Variants in RAD23B observed in about 807,000 individuals in gnomAD.
RAD23B encodes lysine-specific demethylase RAD23B.
Under a neutral mutation model 49.1 loss-of-function variants are expected in RAD23B, and 5 were observed. The ratio of observed to expected loss-of-function variants is 0.10; its 90% CI spans 0.05 to 0.21. RAD23B has a LOEUF of 0.21. Among genes scored for constraint, RAD23B ranks in the 10% least tolerant of loss-of-function variants. The pLI is 1.00. For synonymous variants in RAD23B, 184 were observed against 165.4 expected, an observed-to-expected ratio of 1.11 and a Z score of -0.86; for missense variants, 356 against 486.7, an observed-to-expected ratio of 0.73 and a Z score of 2.53.
At chr9:107,284,737 T>C in intron 1 of RAD23B, 2 of 1,123,014 alleles carry the variant, frequency 1.8e-6, no homozygotes, top group Non-Finnish European at 2.2e-6. Flanking sequence ...CCAACTCTAT[T>C]TTTAAAAGTA....
Position 107,306,651 on chromosome 9 carries a change from G to A in RAD23B, c.497+4G>A. The A allele has an allele frequency of 6.2e-7, 1 of 1,609,518 alleles. No individual in the cohort carries two copies. ...CTAGCCCAACAGCAACTGACAGGTA[G>A]GAACTGGATTCTAGGACATTCTATC... On this transcript the variant is annotated splice_donor_region_variant and intron_variant, in intron 4 of 9. Coordinates refer to ENST00000358015, the MANE Select transcript of RAD23B (RefSeq NM_002874.5).
chr9:107,305,031 G>A (rs1027754613), intron 3 of RAD23B, among the ~76,000 whole-genome samples: 4 of 152,160 alleles, frequency 2.6e-5, no homozygotes, highest in Non-Finnish European at 5.9e-5. Context: ...GCTGATGCCT[G>A]TAATCCCATC....
At chr9:107,308,121 TAA>T (rs951655428) in intron 4 of RAD23B, among the ~76,000 whole-genome samples, 3 of 146,304 alleles carry the variant, frequency 2.1e-5, no homozygotes, top group Admixed American at 6.8e-5. Flanking sequence ...AGCTCCTTTT[TAA>T]AAAAAAAAAG....
intron 9 of RAD23B, among the ~76,000 whole-genome samples, chr9:107,329,269 A>G (rs947117015): frequency 1.3e-5 from 2 of 152,236 alleles, no homozygotes; most frequent in South Asian, 2.1e-4. Flanking sequence ...GAGTATTTGC[A>G]TAGTATCTAT....
rs184947210 is a variant in RAD23B, at chr9:107,287,748, C to T, written c.66+4053C>T. 2.8e-3 allele frequency among the ~76,000 whole-genome samples: 414 copies of T among 149,652 alleles called. 3 individuals carry two copies. Among genetic ancestry groups the T allele is most frequent in the Non-Finnish European group, 4.4e-3 (300 of 67,732 alleles). ...ACTTAGGAGGCTGAGGCAGGAGAGT[C>T]GCTTGAACCTGGGAGGAGGAGGTTG... On this transcript the variant is annotated intron_variant, in intron 1 of 9. Transcript: ENST00000358015.
intron 5 of RAD23B, among the ~76,000 whole-genome samples, chr9:107,314,673 T>A (rs1826956304): frequency 6.6e-6 from 1 of 152,204 alleles, no homozygotes; most frequent in African/African-American, 2.4e-5. Flanking sequence ...TTATTTCCCT[T>A]TGGGTATATA....
chr9:107,323,834 C>A, intron 7 of RAD23B, 56 bp from the exon 8 acceptor site: 2 of 1,465,134 alleles, frequency 1.4e-6, no homozygotes, highest in Non-Finnish European at 1.9e-6. Flanking sequence ...ATTATTTAAC[C>A]ACTGTTTGTG....
At chr9:107,319,649 A>G (rs545229879) in intron 6 of RAD23B, among the ~76,000 whole-genome samples, 4 of 152,136 alleles carry the variant, frequency 2.6e-5, no homozygotes, top group Non-Finnish European at 4.4e-5. Flanking sequence ...TCTGTTACCA[A>G]CGTAACATCA....
chr9:107,318,997 C>A lies in RAD23B; in HGVS notation c.681+118C>A. The A allele has an allele frequency of 2.3e-6, 2 of 882,616 alleles. No individual in the cohort carries two copies. Among genetic ancestry groups the A allele is most frequent in the Non-Finnish European group, 3.1e-6 (2 of 647,604 alleles). 54.7% of individuals were successfully genotyped at this position (882,616 alleles called of 1,614,324 possible). On this transcript the variant is annotated intron_variant, in intron 6 of 9. Transcript: ENST00000358015. The surrounding 1 kb of genome is among the most constrained non-coding windows in gnomAD (Gnocchi z 4.3). ...TATATGCTAGATGATATACATAATG[C>A]TTTTTTTTTTCTAGTATGTTTGTAT...
chr9:107,319,330 C>A (rs2133092563), intron 6 of RAD23B, among the ~76,000 whole-genome samples: 1 of 151,928 alleles, frequency 6.6e-6, no homozygotes, highest in African/African-American at 2.4e-5. Context: ...TGGGATTTCA[C>A]CATGTTAGCC....
At chr9:107,301,502 A>G (rs907271407) in intron 2 of RAD23B, among the ~76,000 whole-genome samples, 3 of 152,168 alleles carry the variant, frequency 2.0e-5, no homozygotes, top group African/African-American at 4.8e-5. Flanking sequence ...TATATACACT[A>G]TATAAGTTTG....
intron 1 of RAD23B, among the ~76,000 whole-genome samples, chr9:107,287,150 C>A (rs1160770373): frequency 6.6e-6 from 1 of 151,478 alleles, no homozygotes; most frequent in African/African-American, 2.4e-5. Flanking sequence ...AGTTTTTAAG[C>A]TCAGTTTTAT....
At position 107,318,877 on chromosome 9, in the gene RAD23B, A is replaced by G. The variant is rs576814919; in HGVS notation, c.679A>G (p.Met227Val). Residue 227 changes from methionine to valine, a missense_variant and splice_region_variant, in exon 6 of 10, where the codon ATG (methionine) becomes GTG (valine). Coordinates refer to ENST00000358015, the MANE Select transcript of RAD23B (RefSeq NM_002874.5). The surrounding 1 kb of genome is among the most constrained non-coding windows in gnomAD (Gnocchi z 4.3). ...TGACAGAGCAGTGGAGTATCTTTTA[A>G]TGGTGAGAAATATGTTTTACTTTAC... is the stretch of plus-strand genomic sequence containing the variant. ...NPDRAVEYLLMGIPGDRESQA... is the reference protein window; with the variant it reads ...NPDRAVEYLLVGIPGDRESQA... 4.4e-6 allele frequency: 7 copies of G among 1,608,540 alleles called. No individual in the cohort carries two copies. In the South Asian group the frequency reaches 4.5e-5, roughly 10 times the overall value.
chr9:107,291,966 A>G (rs76370845), intron 1 of RAD23B, among the ~76,000 whole-genome samples: 3,095 of 152,312 alleles, frequency 0.02, 92 homozygotes, highest in African/African-American at 0.068. Context: ...CAAGTAATTC[A>G]GGCTCATTAT....
At chr9:107,302,587 T>C (rs917927166) in intron 3 of RAD23B, among the ~76,000 whole-genome samples, 10 of 150,522 alleles carry the variant, frequency 6.6e-5, no homozygotes, top group African/African-American at 2.4e-4. Context: ...TTTTAGAAAC[T>C]AAAAAAAGGG....
chr9:107,306,731 T>A (rs1826785654), intron 4 of RAD23B, 84 bp downstream of exon 4: 24 of 1,421,484 alleles, frequency 1.7e-5, no homozygotes, highest in Non-Finnish European at 2.3e-5. Flanking sequence ...ATTGTTTTGA[T>A]CAAACCGACT....
intron 1 of RAD23B, among the ~76,000 whole-genome samples, chr9:107,287,846 A>C (rs967163827): frequency 6.6e-6 from 1 of 151,774 alleles, no homozygotes; most frequent in South Asian, 2.1e-4. Context: ...AAAAAAAAAA[A>C]AAAACAAAAA....
chr9:107,299,379 C>T (rs1428943858), intron 1 of RAD23B, among the ~76,000 whole-genome samples: 1 of 152,186 alleles, frequency 6.6e-6, no homozygotes, highest in African/African-American at 2.4e-5. Context: ...TACCTCCCTA[C>T]TTAACAAGTT....
intron 6 of RAD23B, among the ~76,000 whole-genome samples, chr9:107,321,446 T>C (rs1321316234): frequency 1.3e-5 from 2 of 152,118 alleles, no homozygotes; most frequent in African/African-American, 4.8e-5. Flanking sequence ...CCATTAGATA[T>C]TTTTTCCCCC....
Sources: allele counts gnomAD v4.1 joint callset (sites outside exome capture counted in the v4.1 genomes callset), GRCh38; gene constraint gnomAD v4.1.1; non-coding constraint Gnocchi (gnomAD v3.1); transcripts MANE v1.5; gene names NCBI Gene and HGNC (gene_info 2026-07-23, HGNC 2026-07-21).